Variants in NEBL observed in about 807,000 individuals in gnomAD.
The protein encoded by NEBL is LIM and SH3 protein 2.
Under a neutral mutation model 140.2 loss-of-function variants are expected in NEBL, and 122 were observed. That is an observed-to-expected ratio of 0.87 (90% CI 0.75 to 1.01). NEBL has a LOEUF of 1.01. Among genes scored for constraint, NEBL ranks in the 50% least tolerant of loss-of-function variants. NEBL has a pLI of 0.00. For missense variants in NEBL, 1,365 were observed against 1,231.3 expected (o/e 1.11, Z -1.62); for synonymous variants, 436 against 398.9 (o/e 1.09, Z -1.11).
Position 20,781,067 on chromosome 10 carries a change from A to T in NEBL, c.*4680T>A, listed in dbSNP as rs1338068306. On this transcript the variant is annotated 3_prime_UTR_variant, in exon 28 of 28. Coordinates refer to ENST00000377122, the MANE Select transcript of NEBL (RefSeq NM_006393.3). ...TCCACTAAAATGTGAACTAGTTTGC[A>T]TAGGTTAGTCCTTTGGGCAGCACGA... 6.6e-6 allele frequency: 1 copy of T among 152,588 alleles called. No individual in the cohort carries two copies. Among genetic ancestry groups the T allele is most frequent in the Non-Finnish European group, 1.5e-5 (1 of 68,038 alleles). The allele number at this position is 152,588 out of a possible 1,614,324, so 9.5% of individuals were successfully genotyped here. A position where few individuals can be genotyped will look rare whatever the true frequency, so the allele number is the denominator to read the frequency against.
At chr10:21,200,707 T>C (rs1841722070) in intron 3 of NEBL, among the ~76,000 whole-genome samples, 2 of 151,778 alleles carry the variant, frequency 1.3e-5, no homozygotes, top group African/African-American at 4.8e-5. Context: ...CATCCTGGAG[T>C]CAGAGCAGAG....
chr10:21,096,226 G>T (rs1476109112), intron 2 of NEBL, among the ~76,000 whole-genome samples: 1 of 152,048 alleles, frequency 6.6e-6, no homozygotes, highest in Non-Finnish European at 1.5e-5. Context: ...TAGGATCCTC[G>T]TCCTTCCCTC....
chr10:21,042,156 G>T (rs1385790256), intron 2 of NEBL, among the ~76,000 whole-genome samples: 3 of 152,172 alleles, frequency 2.0e-5, no homozygotes, highest in South Asian at 4.1e-4. Flanking sequence ...TGAGCACTTA[G>T]TACGGTGCTA....
At chr10:20,963,422 G>A (rs1202469828) in intron 3 of NEBL, among the ~76,000 whole-genome samples, 1 of 152,178 alleles carries the variant, frequency 6.6e-6, no homozygotes, top group African/African-American at 2.4e-5. Context: ...ACAAGTTCTA[G>A]CATTCCTAAC....
chr10:20,872,164 C>A (rs559276680), intron 5 of NEBL, among the ~76,000 whole-genome samples: 1 of 152,064 alleles, frequency 6.6e-6, no homozygotes, highest in East Asian at 1.9e-4. Context: ...CTAATGACTG[C>A]GTGAAGAGAG....
At chr10:20,960,969 T>C (rs986458399) in intron 4 of NEBL, among the ~76,000 whole-genome samples, 3 of 152,192 alleles carry the variant, frequency 2.0e-5, no homozygotes, top group African/African-American at 7.2e-5. Context: ...TATTTCTTCT[T>C]GGATATCTAA....
At position 21,169,068 on chromosome 10, in the gene NEBL, ATATATATATATATATATATAT is replaced by A. The variant is rs1228556730; in HGVS notation, c.164+3294_164+3314del. On this transcript the variant is annotated intron_variant, in intron 2 of 6. Transcript: ENST00000417816. The stretch of plus-strand genomic sequence containing the variant: ...CGTCTACAAAAAAAAAAAAAAAAAA[ATATATATATATATATATATAT>A]ATATATATATATATATATTTGGACA... Among the ~76,000 whole-genome samples, 7 of 18,048 alleles carry A rather than the reference ATATATATATATATATATATAT, an allele frequency of 3.9e-4. 1 individual carries two copies. The highest frequency in any genetic ancestry group is 8.4e-4 in the Non-Finnish European group (7 of 8,286). 11.8% of individuals were successfully genotyped at this position (18,048 alleles called of 152,430 possible). A position where few individuals can be genotyped will look rare whatever the true frequency, so the allele number is the denominator to read the frequency against.
chr10:21,236,336 CT>C (rs1174276032), intron 3 of NEBL, among the ~76,000 whole-genome samples: 1 of 147,196 alleles, frequency 6.8e-6, no homozygotes, highest in Non-Finnish European at 1.5e-5. Context: ...TATTTTATTC[CT>C]TTTTTTAATT....
chr10:21,030,685 G>A, intron 2 of NEBL: 1 of 487,766 alleles, frequency 2.1e-6, no homozygotes, highest in South Asian at 1.8e-5. Context: ...AGACCACACT[G>A]GGAACTCTAG....
chr10:20,941,241 A>G (rs1324848412), intron 4 of NEBL, among the ~76,000 whole-genome samples: 1 of 152,248 alleles, frequency 6.6e-6, no homozygotes, highest in Non-Finnish European at 1.5e-5. Context: ...ATCCACCATG[A>G]TCAAGTGGGC....
At chr10:21,166,219 C>CAAAAAAAA (rs1170225891) in intron 2 of NEBL, among the ~76,000 whole-genome samples, 8 of 35,382 alleles carry the variant, frequency 2.3e-4, no homozygotes, top group East Asian at 7.2e-4. Context: ...GACTGTGTCT[C>CAAAAAAAA]AAAAAAAAAA....
chr10:20,917,354 G>A (rs527749194), intron 4 of NEBL, among the ~76,000 whole-genome samples: 4 of 152,014 alleles, frequency 2.6e-5, no homozygotes, highest in Non-Finnish European at 5.9e-5. Flanking sequence ...ACTATTTCTC[G>A]AGGGGCACAA....
intron 5 of NEBL, among the ~76,000 whole-genome samples, chr10:20,874,652 C>T (rs1175502550): frequency 6.6e-6 from 1 of 152,196 alleles, no homozygotes; most frequent in African/African-American, 2.4e-5. Context: ...ACATACACAA[C>T]AGAATCTCAT....
At chr10:21,224,486 T>C (rs10828222) in intron 3 of NEBL, among the ~76,000 whole-genome samples, 42,052 of 152,128 alleles carry the variant, frequency 0.28, 10,396 homozygotes, top group African/African-American at 0.67. Flanking sequence ...AGGATAGTTT[T>C]GGCTATTCTG....
chr10:20,944,333 G>C (rs1032216239), intron 4 of NEBL, among the ~76,000 whole-genome samples: 2 of 152,148 alleles, frequency 1.3e-5, no homozygotes, highest in Non-Finnish European at 2.9e-5. Flanking sequence ...CTGGGAGGCG[G>C]AGGGTGCACT....
At chr10:21,201,710 T>C (rs1177468662) in intron 3 of NEBL, among the ~76,000 whole-genome samples, 4 of 152,236 alleles carry the variant, frequency 2.6e-5, no homozygotes, top group African/African-American at 7.2e-5. Flanking sequence ...TGCCTGCATA[T>C]TCTTTGATAG....
chr10:21,255,277 T>C (rs1842642236), intron 1 of NEBL, among the ~76,000 whole-genome samples: 1 of 151,852 alleles, frequency 6.6e-6, no homozygotes. Flanking sequence ...GCTGAGTGTA[T>C]ATATTAGTGA....
At chr10:20,878,310 A>C (rs1845696594) in intron 5 of NEBL, among the ~76,000 whole-genome samples, 1 of 152,234 alleles carries the variant, frequency 6.6e-6, no homozygotes, top group South Asian at 2.1e-4. Flanking sequence ...TTAGGCAAAG[A>C]TGTTGACTTC....
intron 3 of NEBL, among the ~76,000 whole-genome samples, chr10:20,996,017 T>C (rs1382883966): frequency 6.6e-6 from 1 of 152,200 alleles, no homozygotes; most frequent in African/African-American, 2.4e-5. Flanking sequence ...GTGGCCAGAT[T>C]CCTTCACACA....
Sources: gnomAD v4.1 joint callset for allele counts (sites outside exome capture counted in the v4.1 genomes callset) on GRCh38, gnomAD v4.1.1 for gene constraint, MANE v1.5 for transcripts, NCBI Gene and HGNC (gene_info 2026-07-23, HGNC 2026-07-21) for gene names.